The following CRY2 variants were observed in gnomAD, a reference collection of about 807,000 sequenced individuals.
The protein encoded by CRY2 is cryptochrome circadian regulator 2.
Under a neutral mutation model 69.5 loss-of-function variants are expected in CRY2, and 31 were observed. The observed-to-expected ratio is 0.45, with a 90% CI of 0.34 to 0.60. CRY2 has a LOEUF of 0.60. CRY2 is among the 20% of genes least tolerant of loss of function. The pLI is 0.02. For missense variants in CRY2, 606 were observed against 797.8 expected (o/e 0.76, Z 2.90); for synonymous variants, 303 against 312.2 (o/e 0.97, Z 0.31).
intron 5 of CRY2, 70 bp downstream of exon 5, chr11:45,862,218 C>G: frequency 7.0e-7 from 1 of 1,430,926 alleles, no homozygotes; most frequent in Non-Finnish European, 9.6e-7. Context: ...CAGGTCATGT[C>G]CATGTCCTTT....
chr11:45,864,844 G>T (rs1414235311), intron 5 of CRY2, among the ~76,000 whole-genome samples: 1 of 152,068 alleles, frequency 6.6e-6, no homozygotes, highest in South Asian at 2.1e-4. Context: ...CTCCAGCCTG[G>T]TTGACAGAAT....
At chr11:45,855,960 A>G in intron 1 of CRY2, 22 bp from the exon 2 acceptor site, 1 of 1,579,220 alleles carries the variant, frequency 6.3e-7, no homozygotes, top group South Asian at 1.1e-5. Flanking sequence ...TATCACTAAC[A>G]AGGCCTGTGT....
chr11:45,848,150 C>T (rs757194647), intron 1 of CRY2, among the ~76,000 whole-genome samples: 4 of 152,178 alleles, frequency 2.6e-5, no homozygotes, highest in Non-Finnish European at 4.4e-5. Context: ...TTGCTGGGCT[C>T]GGGGAGATCA....
intron 6 of CRY2, among the ~76,000 whole-genome samples, chr11:45,869,173 A>G (rs1301179229): frequency 5.9e-5 from 9 of 152,220 alleles, no homozygotes; most frequent in African/African-American, 2.2e-4. Flanking sequence ...ACTTTCTAGA[A>G]GGTGGAGCCA....
chr11:45,868,619 G>A (rs980348350), intron 6 of CRY2, among the ~76,000 whole-genome samples: 1 of 152,018 alleles, frequency 6.6e-6, no homozygotes, highest in East Asian at 1.9e-4. Context: ...ATGCCTAGCC[G>A]TTGTGTCTAC....
intron 1 of CRY2, among the ~76,000 whole-genome samples, chr11:45,849,716 G>A (rs1227561999): frequency 6.6e-6 from 1 of 151,796 alleles, no homozygotes; most frequent in Non-Finnish European, 1.5e-5. Context: ...CACCTCCCGG[G>A]TTCAAGCAAT....
Position 45,870,435 on chromosome 11 carries a change from C to T in CRY2, c.1452C>T (p.Asp484=), listed in dbSNP as rs771681954. The T allele has an allele frequency of 3.0e-5, 48 of 1,614,120 alleles. No homozygotes were observed. In the South Asian group the frequency reaches 4.5e-4, roughly 15 times the overall value. The change falls in exon 9 of 12, where the codon GAC becomes GAT. Residue 484 remains aspartate (D), a synonymous_variant. Coordinates refer to ENST00000616080, the MANE Select transcript of CRY2 (RefSeq NM_021117.5). ...CAGCCAAGTGCATCATTGGTGTGGA[C>T]TACCCACGGCCCATCGTCAACCATG... ...QKAAKCIIGV[D]YPRPIVNHAE...
intron 2 of CRY2, among the ~76,000 whole-genome samples, chr11:45,857,248 C>G (rs2086247957): frequency 6.6e-6 from 1 of 152,188 alleles, no homozygotes; most frequent in Non-Finnish European, 1.5e-5. Context: ...TTTACATCAA[C>G]TGAGTTCTTC....
At chr11:45,869,073 T>C (rs1224327850) in intron 6 of CRY2, among the ~76,000 whole-genome samples, 1 of 152,266 alleles carries the variant, frequency 6.6e-6, no homozygotes, top group Non-Finnish European at 1.5e-5. Flanking sequence ...AATTACCTTA[T>C]GGCCCCAGAT....
At chr11:45,853,815 A>T (rs1247501758) in intron 1 of CRY2, among the ~76,000 whole-genome samples, 1 of 152,224 alleles carries the variant, frequency 6.6e-6, no homozygotes, top group African/African-American at 2.4e-5. Context: ...ACGCACTTGC[A>T]GCTCCCTGTT....
chr11:45,856,579 G>A (rs1261213819), intron 2 of CRY2, among the ~76,000 whole-genome samples: 1 of 152,184 alleles, frequency 6.6e-6, no homozygotes, highest in Non-Finnish European at 1.5e-5. Context: ...GGCGGATCAC[G>A]AGGTCAGGAG....
rs552414017 is a variant in CRY2 at position 45,851,135 on chromosome 11, A to T, written c.215+3430A>T. 1.6e-4 allele frequency among the ~76,000 whole-genome samples: 24 copies of T among 152,226 alleles called. 1 individual carries two copies. The highest frequency in any genetic ancestry group is 3.2e-4 in the Non-Finnish European group (22 of 68,018). On this transcript the variant is annotated intron_variant, in intron 1 of 11. Transcript: ENST00000616080. ...TCTAGAAGGAGGTACTGCAGCAAGA[A>T]GATAAACTAAAGGAAGATGTGAGCA...
upstream of CRY2, chr11:45,847,289 C>T (rs1228403314): frequency 6.7e-7 from 1 of 1,497,374 alleles, no homozygotes. Context: ...ATGGTAGGAA[C>T]GTGAGGGGGC....
intron 10 of CRY2, 115 bp downstream of exon 10, chr11:45,871,049 G>T (rs1303806393): frequency 8.6e-6 from 7 of 814,336 alleles, no homozygotes; most frequent in Non-Finnish European, 1.4e-5. Context: ...TTCCACCTGG[G>T]GCAGTCAGAT....
At chr11:45,867,845 G>T in intron 6 of CRY2, 93 bp downstream of exon 6, 1 of 1,558,196 alleles carries the variant, frequency 6.4e-7, no homozygotes, top group Non-Finnish European at 8.7e-7. Context: ...CTGGTGGGTG[G>T]GGGTTGGGCT....
rs1454365178 is a variant in CRY2, at chr11:45,847,698, C to G, written c.208C>G (p.Arg70Gly). ...FAASSSVGIN[R>G]WRFLLQSLED... ...GGCCTCCTCCTCAGTCGGGATCAAC[C>G]GATGGAGGTGAGGGGACCCGGGGCT... Residue 70 changes from arginine to glycine, a missense_variant, in exon 1 of 12, where the codon CGA becomes GGA. Coordinates refer to ENST00000616080, the MANE Select transcript of CRY2 (RefSeq NM_021117.5). 4.5e-6 allele frequency: 7 copies of G among 1,569,358 alleles called. No homozygotes were observed. In the South Asian group the frequency reaches 7.0e-5, roughly 16 times the overall value.
chr11:45,859,473 G>A (rs1470285126), intron 3 of CRY2, among the ~76,000 whole-genome samples: 1 of 151,706 alleles, frequency 6.6e-6, no homozygotes, highest in African/African-American at 2.4e-5. Context: ...GAGGTTGGAG[G>A]ATCACTTGAG....
rs756444559 is a variant in CRY2, at chr11:45,867,621, G to T, written c.751G>T (p.Ala251Ser). Residue 251 changes from alanine (A) to serine (S), a missense_variant, in exon 6 of 12, where the codon GCC (alanine) becomes TCC (serine). Ala to Ser is a moderately conservative substitution (Grantham distance 99). Around this residue, in one of 5 missense-constraint regions of CRY2, gnomAD observed 382 missense variants for 508.9 expected, o/e 0.75. Coordinates refer to ENST00000616080, the MANE Select transcript of CRY2 (RefSeq NM_021117.5). ...DKHLERKAWV[A>S]NYERPRMNAN... ...TCTCTTTCTGCTGTAGGCCTGGGTT[G>T]CCAACTATGAGAGACCCCGAATGAA... 5.0e-6 allele frequency: 8 copies of T among 1,614,156 alleles called. No homozygotes were observed. The Admixed American group carries it at 6.7e-5, about 13-fold the overall frequency.
At chr11:45,864,410 C>T (rs1419985839) in intron 5 of CRY2, among the ~76,000 whole-genome samples, 1 of 151,364 alleles carries the variant, frequency 6.6e-6, no homozygotes, top group Non-Finnish European at 1.5e-5. Context: ...ATCTCTTGAA[C>T]CTAGGAGTTC....
Sources: gnomAD v4.1 joint callset for allele counts (sites outside exome capture counted in the v4.1 genomes callset) on GRCh38, gnomAD v4.1.1 for gene constraint, gnomAD v4.1.1 regional missense constraint, MANE v1.5 for transcripts, NCBI Gene and HGNC (gene_info 2026-07-23, HGNC 2026-07-21) for gene names.